Variants in PPP2R2D observed in about 807,000 individuals in gnomAD.
The protein encoded by PPP2R2D is serine/threonine-protein phosphatase 2A 55 kDa regulatory subunit B delta isoform.
A neutral mutation model predicts 31.1 loss-of-function variants in PPP2R2D; 9 were observed. The ratio of observed to expected loss-of-function variants is 0.29; its 90% confidence interval spans 0.17 to 0.51. PPP2R2D has a LOEUF of 0.51. PPP2R2D is among the 20% of genes least tolerant of loss of function. The pLI is 0.98. For missense variants in PPP2R2D, 391 were observed against 465.6 expected, an observed-to-expected ratio of 0.84 and a Z score of 1.48; for synonymous variants, 179 against 172.6, an observed-to-expected ratio of 1.04 and a Z score of -0.29.
intron 2 of PPP2R2D, among the ~76,000 whole-genome samples, chr10:131,921,030 G>A (rs1470856792): frequency 6.6e-6 from 1 of 152,200 alleles, no homozygotes; most frequent in African/African-American, 2.4e-5. Flanking sequence ...AGAAACATTA[G>A]CAGCTTTGTT....
At chr10:131,927,686 C>A (rs781456086) in intron 2 of PPP2R2D, among the ~76,000 whole-genome samples, 1 of 152,174 alleles carries the variant, frequency 6.6e-6, no homozygotes, top group East Asian at 1.9e-4. Context: ...CATCGCACAT[C>A]GGACACCCCG....
chr10:131,911,491 T>C (rs1336690128), intron 2 of PPP2R2D: 2 of 152,296 alleles, frequency 1.3e-5, no homozygotes, highest in African/African-American at 4.8e-5. Context: ...TTATTTTAAC[T>C]GTTCATCAGG....
intron 2 of PPP2R2D, among the ~76,000 whole-genome samples, chr10:131,910,812 C>T (rs1158365794): frequency 6.6e-6 from 1 of 152,162 alleles, no homozygotes. Context: ...CAGCCCCGAT[C>T]CCCAACCTCG....
intron 3 of PPP2R2D, 117 bp from the exon 4 acceptor site, chr10:131,939,914 C>T (rs2036412375): frequency 4.9e-6 from 2 of 410,780 alleles, no homozygotes; most frequent in East Asian, 7.1e-5. Flanking sequence ...TTTTTTTGAG[C>T]CAGGATTTTT....
downstream of PPP2R2D, among the ~76,000 whole-genome samples, chr10:131,963,121 T>C (rs868922546): frequency 1.3e-5 from 2 of 152,206 alleles, no homozygotes; most frequent in Non-Finnish European, 2.9e-5. Flanking sequence ...GCCGAGATTG[T>C]GTCGCTGTAC....
intron 2 of PPP2R2D, among the ~76,000 whole-genome samples, chr10:131,922,304 GAAAT>G (rs1280401117): frequency 6.6e-6 from 1 of 152,176 alleles, no homozygotes; most frequent in Non-Finnish European, 1.5e-5. Context: ...GTATTCTTGA[GAAAT>G]AAAAAGAGTG....
chr10:131,937,085 T>G (rs9419376), intron 3 of PPP2R2D, among the ~76,000 whole-genome samples: 22,853 of 152,202 alleles, frequency 0.15, 1,920 homozygotes, highest in African/African-American at 0.22. Context: ...CACGTGTGCG[T>G]CTTAGAATCG....
chr10:131,955,619 G>A (rs2036778236), intron 8 of PPP2R2D, 65 bp from the exon 9 acceptor site: 1 of 1,344,052 alleles, frequency 7.4e-7, no homozygotes, highest in Non-Finnish European at 9.6e-7. Flanking sequence ...CCAGGGGTGG[G>A]GTCTGAGTCC....
chr10:131,968,834 G>C, the PPP2R2D span: 4 of 342,210 alleles, frequency 1.2e-5, no homozygotes, highest in Admixed American at 1.2e-4. Flanking sequence ...TTTCCACACA[G>C]AAAGCTTCTG....
intron 8 of PPP2R2D, among the ~76,000 whole-genome samples, chr10:131,951,980 C>G (rs540889634): frequency 5.9e-5 from 9 of 152,150 alleles, no homozygotes; most frequent in Admixed American, 5.9e-4. Flanking sequence ...TTAGCAGTGA[C>G]TTGCTGGTGT....
In PPP2R2D at chr10:131,947,585, A is replaced by G. The variant is rs1452911184; in HGVS notation, c.876A>G (p.Ser292=). 6.2e-7 allele frequency: 1 copy of G among 1,614,120 alleles called. No individual in the cohort carries two copies. Reference sequence around the variant, plus strand: ...GGTCCTTCTTCTCAGAAATAATTTCATCCATATCCGATGTAAAATTCAGTC... The same window carrying G: ...GGTCCTTCTTCTCAGAAATAATTTCGTCCATATCCGATGTAAAATTCAGTC... ...SSRSFFSEII[S]SISDVKFSHS... The change falls in exon 8 of 9, where the codon TCA becomes TCG. Residue 292 remains serine, a synonymous_variant. Coordinates refer to ENST00000455566, the MANE Select transcript of PPP2R2D (RefSeq NM_018461.5). The surrounding 1 kb of genome is among the most constrained non-coding windows in gnomAD (Gnocchi z 4.3).
chr10:131,921,561 G>A (rs1178013603), intron 2 of PPP2R2D, among the ~76,000 whole-genome samples: 1 of 152,184 alleles, frequency 6.6e-6, no homozygotes, highest in Non-Finnish European at 1.5e-5. Flanking sequence ...ACAGGCTGGG[G>A]CAATGGGGTG....
intron 2 of PPP2R2D, among the ~76,000 whole-genome samples, chr10:131,924,696 A>C (rs1554894672): frequency 7.1e-6 from 1 of 140,148 alleles, no homozygotes; most frequent in Non-Finnish European, 1.6e-5. Context: ...CAATTTTTGC[A>C]AAAAAAAAAA....
the PPP2R2D span, chr10:131,971,088 T>A: frequency 1.1e-6 from 1 of 918,080 alleles, no homozygotes; most frequent in Non-Finnish European, 1.7e-6. Flanking sequence ...GAGGCACATG[T>A]CAGTGCCTCG....
At chr10:131,917,055 A>G (rs1278915461) in intron 2 of PPP2R2D, among the ~76,000 whole-genome samples, 1 of 146,416 alleles carries the variant, frequency 6.8e-6, no homozygotes, top group Admixed American at 6.8e-5. Flanking sequence ...TAGGGACCTC[A>G]GGCGGGTGGA....
the PPP2R2D span, chr10:131,971,006 A>ACC: frequency 6.3e-7 from 1 of 1,587,146 alleles, no homozygotes; most frequent in Non-Finnish European, 8.6e-7. Context: ...AGATCAGTGT[A>ACC]CCACACGTGA....
Position 131,945,322 on chromosome 10 carries a change from T to C in PPP2R2D, c.683T>C (p.Met228Thr). The C allele has an allele frequency of 6.2e-7, 1 of 1,614,102 alleles. No individual in the cohort carries two copies. Among genetic ancestry groups the C allele is most frequent in the East Asian group, 2.2e-5 (1 of 44,872 alleles). ...ATCGTGGACATCAAGCCTGCTAACATGGAGGAGCTGACCGAAGTCATCACT... is the reference window on the plus strand; with the variant it reads ...ATCGTGGACATCAAGCCTGCTAACACGGAGGAGCTGACCGAAGTCATCACT... Reference protein sequence around the residue: ...FNIVDIKPANMEELTEVITAA... With the variant: ...FNIVDIKPANTEELTEVITAA... Residue 228 changes from methionine to threonine, a missense_variant, in exon 7 of 9, where the codon ATG becomes ACG. Coordinates refer to ENST00000455566, the MANE Select transcript of PPP2R2D (RefSeq NM_018461.5). The surrounding 1 kb of genome is among the most constrained non-coding windows in gnomAD (Gnocchi z 4.8).
intron 2 of PPP2R2D, among the ~76,000 whole-genome samples, chr10:131,915,566 A>G (rs2035764439): frequency 6.6e-6 from 1 of 152,118 alleles, no homozygotes; most frequent in Non-Finnish European, 1.5e-5. Context: ...CTCCTTCCTC[A>G]CTGGAGGCAC....
At chr10:131,905,135 G>A (rs1299989411) in intron 2 of PPP2R2D, among the ~76,000 whole-genome samples, 1 of 152,190 alleles carries the variant, frequency 6.6e-6, no homozygotes, top group Non-Finnish European at 1.5e-5. Context: ...CTGCTGATGA[G>A]CAGGTGTATA....
Sources: gnomAD v4.1 joint callset for allele counts (sites outside exome capture counted in the v4.1 genomes callset) on GRCh38, gnomAD v4.1.1 for gene constraint, Gnocchi (gnomAD v3.1) non-coding constraint, MANE v1.5 for transcripts, NCBI Gene and HGNC (gene_info 2026-07-23, HGNC 2026-07-21) for gene names.